Variants in NCAPD3 observed in about 807,000 individuals in gnomAD.
NCAPD3 encodes the protein condensin-2 complex subunit D3.
NCAPD3 carries 105 observed loss-of-function variants against 182.9 expected under a neutral mutation model. That is an observed-to-expected ratio of 0.57 (90% CI 0.49 to 0.68). The LOEUF (loss-of-function observed/expected upper bound fraction) is 0.68. NCAPD3 is among the 30% of genes least tolerant of loss of function. The probability of loss-of-function intolerance (pLI) is 0.00; values close to 1 mark genes in which losing one functional copy is unlikely to be tolerated. For missense variants in NCAPD3, 1,944 were observed against 1,837.0 expected (o/e 1.06, Z -1.07); for synonymous variants, 815 against 679.9 (o/e 1.20, Z -3.09).
intron 26 of NCAPD3, 87 bp downstream of exon 26, chr11:134,168,382 T>C: frequency 6.4e-7 from 1 of 1,573,150 alleles, no homozygotes; most frequent in South Asian, 1.1e-5. Context: ...TGCCAGGGTC[T>C]CCCTTACTAG....
At chr11:134,164,005 A>C (rs868071573) in intron 27 of NCAPD3, among the ~76,000 whole-genome samples, 1 of 152,204 alleles carries the variant, frequency 6.6e-6, no homozygotes, top group South Asian at 2.1e-4. Flanking sequence ...AAGCTTAAAT[A>C]AGGTCAGAAC....
rs146042419 is a variant in NCAPD3 at position 134,220,739 on chromosome 11, G to A, written c.65-13C>T. On this transcript the variant is annotated splice_polypyrimidine_tract_variant and intron_variant, in intron 1 of 34. Transcript: ENST00000534548. ...GTGTCAACCCATTCTAGGGGAAAAT[G>A]CAATGAAATGTGTAAGTACTCTGTA... is the stretch of plus-strand genomic sequence containing the variant. 11 of 1,608,818 alleles carry A rather than the reference G, an allele frequency of 6.8e-6. No individual in the cohort carries two copies. The East Asian group carries it at 2.0e-4, about 29-fold the overall frequency.
Position 134,158,354 on chromosome 11 carries a change from A to G in NCAPD3, c.4009T>C (p.Leu1337=), listed in dbSNP as rs1358659635. 6.2e-6 allele frequency: 10 copies of G among 1,614,034 alleles called. No homozygotes were observed. Among genetic ancestry groups the G allele is most frequent in the Non-Finnish European group, 8.5e-6 (10 of 1,180,028 alleles). ...CTGGCTTTGGGCAGCAACCTCTGCA[A>G]TGGCCCTGTTTCAGGTGTAGGAGAT... ...VSSPTPETGP[L]QRLLPKARPM... is the part of the protein sequence containing the mutation. The change falls in exon 30 of 35, where the codon TTG becomes CTG. Residue 1337 remains leucine (L), a synonymous_variant. Coordinates refer to ENST00000534548, the MANE Select transcript of NCAPD3 (RefSeq NM_015261.3).
chr11:134,199,696 C>T (rs1392468083), intron 13 of NCAPD3, among the ~76,000 whole-genome samples: 1 of 152,160 alleles, frequency 6.6e-6, no homozygotes, highest in Admixed American at 6.5e-5. Flanking sequence ...TCTAAGCCCT[C>T]AGTTACTTTG....
chr11:134,201,547 AAG>A (rs1371941140), intron 13 of NCAPD3, among the ~76,000 whole-genome samples: 3 of 152,206 alleles, frequency 2.0e-5, no homozygotes, highest in Non-Finnish European at 2.9e-5. Context: ...AGAAAAAGCA[AAG>A]AGAGCAAAGT....
At position 134,151,550 on chromosome 11, in the gene NCAPD3, T is replaced by C. The variant is rs1178077673; in HGVS notation, c.*1394A>G. The stretch of plus-strand genomic sequence containing the variant: ...AGAAGTGAAAGTAGAGTCTGGGAAG[T>C]AGCTGCCTATAACTGAGACTAGACG... On this transcript the variant is annotated 3_prime_UTR_variant, in exon 35 of 35. Coordinates refer to ENST00000534548, the MANE Select transcript of NCAPD3 (RefSeq NM_015261.3). 3 of 152,182 alleles carry C rather than the reference T, an allele frequency of 2.0e-5. No individual in the cohort carries two copies. The highest frequency in any genetic ancestry group is 4.8e-5 in the African/African-American group (2 of 41,450). The allele number at this position is 152,182 out of a possible 1,614,324, so 9.4% of individuals were successfully genotyped here.
At chr11:134,185,254 A>G in intron 17 of NCAPD3, 81 bp downstream of exon 17, 2 of 1,296,416 alleles carry the variant, frequency 1.5e-6, no homozygotes, top group Non-Finnish European at 2.1e-6. Flanking sequence ...AATAGCTATG[A>G]AAAAGCTCAC....
chr11:134,162,566 C>T (rs1157510947), intron 27 of NCAPD3, among the ~76,000 whole-genome samples: 2 of 152,176 alleles, frequency 1.3e-5, no homozygotes, highest in Admixed American at 6.5e-5. Flanking sequence ...TCTTTTCCTT[C>T]TCATTTAAAG....
At chr11:134,187,037 C>CTCAGATTTCTCAAGTTTG (rs1944422640) in intron 16 of NCAPD3, among the ~76,000 whole-genome samples, 1 of 152,134 alleles carries the variant, frequency 6.6e-6, no homozygotes, top group Non-Finnish European at 1.5e-5. Context: ...TCTGAACTTG[C>CTCAGATTTCTCAAGTTTG]AGAAATCTCA....
At chr11:134,172,310 T>C (rs1944026037) in intron 24 of NCAPD3, among the ~76,000 whole-genome samples, 1 of 152,162 alleles carries the variant, frequency 6.6e-6, no homozygotes, top group Non-Finnish European at 1.5e-5. Context: ...GACCATCCCA[T>C]CTGGACCCAA....
intron 23 of NCAPD3, 137 bp downstream of exon 23, chr11:134,177,082 A>G: frequency 1.5e-6 from 1 of 687,436 alleles, no homozygotes; most frequent in Admixed American, 2.6e-5. Context: ...TCAGAAGAGT[A>G]AAACTCCAGA....
intron 24 of NCAPD3, among the ~76,000 whole-genome samples, chr11:134,171,715 A>G (rs1169511492): frequency 6.6e-6 from 1 of 152,022 alleles, no homozygotes; most frequent in African/African-American, 2.4e-5. Context: ...TCCTTCCTCC[A>G]TGTACTCTGC....
intron 16 of NCAPD3, among the ~76,000 whole-genome samples, chr11:134,187,123 T>C (rs1221140781): frequency 6.6e-6 from 1 of 152,136 alleles, no homozygotes; most frequent in Non-Finnish European, 1.5e-5. Context: ...GCCACAGCCA[T>C]TCCCCACCTG....
intron 24 of NCAPD3, chr11:134,172,953 G>T (rs1240666576): frequency 6.7e-6 from 1 of 148,290 alleles, no homozygotes; most frequent in Non-Finnish European, 1.5e-5. Context: ...CTCCAGCCTG[G>T]GCAACAGAGC....
Position 134,152,654 on chromosome 11 carries a change from T to C in NCAPD3, c.*290A>G, listed in dbSNP as rs1047739778. On this transcript the variant is annotated 3_prime_UTR_variant, in exon 35 of 35. Coordinates refer to ENST00000534548, the MANE Select transcript of NCAPD3 (RefSeq NM_015261.3). The stretch of plus-strand genomic sequence containing the variant: ...GTTGTGTTCCTTAAAGACCAGATTA[T>C]AGCTTATCTGAATGGGCTTGACACT... 2.4e-5 allele frequency: 7 copies of C among 290,128 alleles called. No homozygotes were observed. Among genetic ancestry groups the C allele is most frequent in the Non-Finnish European group, 3.8e-5 (6 of 157,916 alleles). The allele number at this position is 290,128 out of a possible 1,614,324, so 18.0% of individuals were successfully genotyped here. A position where few individuals can be genotyped will look rare whatever the true frequency, so the allele number is the denominator to read the frequency against.
At chr11:134,225,234 T>A (rs1444718626), upstream of NCAPD3, 2 of 1,613,972 alleles carry the variant, frequency 1.2e-6, no homozygotes, top group Admixed American at 3.3e-5. Context: ...GGAGAAATAT[T>A]TCCTCTTCTA....
At chr11:134,154,461 C>T (rs535050499) in intron 32 of NCAPD3, among the ~76,000 whole-genome samples, 2 of 149,618 alleles carry the variant, frequency 1.3e-5, no homozygotes, top group Admixed American at 1.3e-4. Context: ...CCTGTCTGCA[C>T]ATTATGCTTC....
At chr11:134,182,736 G>T (rs1254588209) in intron 19 of NCAPD3, among the ~76,000 whole-genome samples, 6 of 152,176 alleles carry the variant, frequency 3.9e-5, no homozygotes, top group Non-Finnish European at 7.3e-5. Flanking sequence ...AAAGACCACA[G>T]TCCTTTCATA....
In NCAPD3 at chr11:134,177,224, A is replaced by G; in HGVS notation, c.3016T>C (p.Leu1006=). Residue 1006 remains leucine, a synonymous_variant, in exon 23 of 35, where the codon TTG becomes CTG. Coordinates refer to ENST00000534548, the MANE Select transcript of NCAPD3 (RefSeq NM_015261.3). The part of the protein sequence containing the change: ...KQTLILLTNL[L]QEEFVKWKGS... ...GATTGAACCCCCCTACGCACCTGCAAGAGATTGGTAAGCAAGATGAGTGTC... is the reference window on the plus strand; with the variant it reads ...GATTGAACCCCCCTACGCACCTGCAGGAGATTGGTAAGCAAGATGAGTGTC... 1 of 1,605,846 alleles carries G rather than the reference A, an allele frequency of 6.2e-7. No homozygotes were observed. Among genetic ancestry groups the G allele is most frequent in the Non-Finnish European group, 8.5e-7 (1 of 1,172,514 alleles).
Sources: allele counts gnomAD v4.1 joint callset (sites outside exome capture counted in the v4.1 genomes callset), GRCh38; gene constraint gnomAD v4.1.1; transcripts MANE v1.5; gene names NCBI Gene and HGNC (gene_info 2026-07-23, HGNC 2026-07-21).